The following ZNF473 variants were observed in gnomAD, a reference collection of about 807,000 sequenced individuals.
ZNF473 encodes zinc finger protein 473.
Under a neutral mutation model 11.1 loss-of-function variants are expected in ZNF473, and 4 were observed. That is an observed-to-expected ratio of 0.36 (90% confidence interval 0.18 to 0.82). The LOEUF is 0.82. ZNF473 is among the 40% of genes least tolerant of loss of function. The probability of loss-of-function intolerance (pLI) is 0.49; values close to 1 mark genes in which losing one functional copy is unlikely to be tolerated. For synonymous variants in ZNF473, 404 were observed against 390.4 expected (o/e 1.03, Z -0.41); for missense variants, 854 against 1,084.0 (o/e 0.79, Z 2.98).
chr19:50,030,559 A>G (rs2077312429), intron 1 of ZNF473, among the ~76,000 whole-genome samples: 1 of 152,238 alleles, frequency 6.6e-6, no homozygotes. Context: ...CTCAAATTCC[A>G]GAGATGATAA....
At chr19:50,037,969 C>G (rs1191113854) in intron 2 of ZNF473, among the ~76,000 whole-genome samples, 4 of 150,610 alleles carry the variant, frequency 2.7e-5, no homozygotes, top group African/African-American at 7.3e-5. Context: ...CCCTACCTGT[C>G]CTATACGAAC....
At chr19:50,043,294 G>A (rs901369352) in intron 4 of ZNF473, 3 of 151,678 alleles carry the variant, frequency 2.0e-5, no homozygotes, top group Admixed American at 6.6e-5. Flanking sequence ...AATTAGCTGG[G>A]CGTGGTGGAG....
Position 50,030,943 on chromosome 19 carries a change from G to A in ZNF473, c.-140G>A, listed in dbSNP as rs879032548. ...CTCCTCCTGGACATTTTGGGGGCTC[G>A]TCAGCATGGACAGCGAGTCAGCCAT... On this transcript the variant is annotated 5_prime_UTR_variant, in exon 2 of 5. Coordinates refer to ENST00000270617, the MANE Select transcript of ZNF473 (RefSeq NM_015428.4). 4.5e-5 allele frequency: 58 copies of A among 1,285,848 alleles called. No individual in the cohort carries two copies. In the South Asian group the frequency reaches 7.0e-4, roughly 15 times the overall value. The allele number at this position is 1,285,848 out of a possible 1,614,324, so 79.7% of individuals were successfully genotyped here. A position where few individuals can be genotyped will look rare whatever the true frequency, so the allele number is the denominator to read the frequency against.
chr19:50,030,920 C>A lies in ZNF473; in HGVS notation c.-163C>A. 1.0e-6 allele frequency: 1 copy of A among 978,384 alleles called. No homozygotes were observed. Among genetic ancestry groups the A allele is most frequent in the Non-Finnish European group, 1.6e-6 (1 of 638,296 alleles). 60.6% of individuals were successfully genotyped at this position (978,384 alleles called of 1,614,324 possible). On this transcript the variant is annotated 5_prime_UTR_variant, in exon 2 of 5. Transcript: ENST00000270617. ...GACTCACATTGGGACTTGTCCTCCT[C>A]CTCCTGGACATTTTGGGGGCTCGTC... is the stretch of plus-strand genomic sequence containing the variant.
chr19:50,037,569 C>T (rs1272182475), intron 2 of ZNF473, among the ~76,000 whole-genome samples: 3 of 151,864 alleles, frequency 2.0e-5, no homozygotes, highest in Non-Finnish European at 4.4e-5. Context: ...GCCTGTAATC[C>T]CAACACTTCA....
At chr19:50,028,689 A>G (rs10439113) in intron 1 of ZNF473, among the ~76,000 whole-genome samples, 7,965 of 152,114 alleles carry the variant, frequency 0.052, 689 homozygotes, top group African/African-American at 0.18. Flanking sequence ...AATGTTGCCA[A>G]ATCCTAGGAT....
Position 50,045,757 on chromosome 19 carries a change from G to A in ZNF473, c.1314G>A (p.Lys438=). The change falls in exon 5 of 5, where the codon AAG becomes AAA. Residue 438 remains lysine, a synonymous_variant. Transcript: ENST00000270617. ...EKPYKCSECG[K]AFHRHTHLNE... ...CTTACAAATGCAGTGAGTGTGGGAA[G>A]GCCTTCCACCGGCACACTCACCTTA... The A allele has an allele frequency of 1.2e-6, 2 of 1,614,112 alleles. No individual in the cohort carries two copies. The highest frequency in any genetic ancestry group is 1.7e-6 in the Non-Finnish European group (2 of 1,180,038).
Position 50,029,620 on chromosome 19 carries a change from A to G in ZNF473, c.-191-1272A>G, listed in dbSNP as rs76085207. On this transcript the variant is annotated intron_variant, in intron 1 of 4. Transcript: ENST00000270617. ...GAAATGCTTTCAGCACTCCGCAGAT[A>G]TGTGCTACTTGGTCCACGCAGTGGA... Among the ~76,000 whole-genome samples the G allele has an allele frequency of 0.011, 1,681 of 152,328 alleles. 79 individuals carry two copies. In the East Asian group the frequency reaches 0.11, roughly 10 times the overall value.
At chr19:50,034,227 G>A (rs1359943394) in intron 2 of ZNF473, among the ~76,000 whole-genome samples, 4 of 152,044 alleles carry the variant, frequency 2.6e-5, no homozygotes, top group East Asian at 1.9e-4. Context: ...TGTCAGCACC[G>A]TTATCTGAAT....
At chr19:50,034,084 C>T (rs2077332689) in intron 2 of ZNF473, among the ~76,000 whole-genome samples, 1 of 152,222 alleles carries the variant, frequency 6.6e-6, no homozygotes, top group Admixed American at 6.5e-5. Context: ...AACTCAGACT[C>T]TGTCCTGAAA....
At chr19:50,032,227 G>A (rs563861814) in intron 2 of ZNF473, among the ~76,000 whole-genome samples, 12 of 150,916 alleles carry the variant, frequency 8.0e-5, no homozygotes, top group African/African-American at 2.7e-4. Flanking sequence ...TGTGAGGAAA[G>A]GAAGCCCCTC....
chr19:50,026,550 TAAAAAAA>T (rs71180669), intron 1 of ZNF473, among the ~76,000 whole-genome samples: 1 of 119,336 alleles, frequency 8.4e-6, no homozygotes, highest in Non-Finnish European at 1.8e-5. Flanking sequence ...GACTACATCT[TAAAAAAA>T]AAAAAAAAAA....
At chr19:50,044,646 A>G (rs751746546) in intron 4 of ZNF473, 24 bp from the exon 5 acceptor site, 1 of 1,565,900 alleles carries the variant, frequency 6.4e-7, no homozygotes, top group South Asian at 1.2e-5. Context: ...AGTGAACAGG[A>G]GACATTTGCA....
intron 2 of ZNF473, among the ~76,000 whole-genome samples, chr19:50,038,377 T>G (rs1978586135): frequency 6.6e-6 from 1 of 152,018 alleles, no homozygotes; most frequent in Non-Finnish European, 1.5e-5. Context: ...ACCTGGTACC[T>G]AAAGCGGACC....
chr19:50,044,957 A>G lies in ZNF473; in HGVS notation c.514A>G (p.Asn172Asp), dbSNP rs186597506. 6.2e-7 allele frequency: 1 copy of G among 1,614,164 alleles called. No individual in the cohort carries two copies. The highest frequency in any genetic ancestry group is 1.1e-5 in the South Asian group (1 of 91,088). The change falls in exon 5 of 5, where the codon AAT (asparagine) becomes GAT (aspartate). Residue 172 changes from asparagine (N) to aspartate (D), a missense_variant. Coordinates refer to ENST00000270617, the MANE Select transcript of ZNF473 (RefSeq NM_015428.4). ...CACGGGAGAAGATTCCATGGTGCAT[A>G]ATGTTTCTGAAAAGACCCTCACACC... ...VSTGEDSMVH[N>D]VSEKTLTPAK...
intron 1 of ZNF473, among the ~76,000 whole-genome samples, chr19:50,029,084 A>G (rs891011269): frequency 5.3e-5 from 8 of 152,222 alleles, no homozygotes; most frequent in African/African-American, 1.7e-4. Flanking sequence ...TCTCTAGGGT[A>G]AAGTGTTCAA....
rs1211250443 is a variant in ZNF473 at position 50,048,589 on chromosome 19, T to A, written c.*1530T>A. On this transcript the variant is annotated 3_prime_UTR_variant, in exon 5 of 5. Transcript: ENST00000270617. ...CTGTCTTGTCGGGGAGATGGGCATGTTGTATACCAAAAGAGTGTACAAAGT... is the reference window on the plus strand; with the variant it reads ...CTGTCTTGTCGGGGAGATGGGCATGATGTATACCAAAAGAGTGTACAAAGT... 1 of 152,248 alleles carries A rather than the reference T, an allele frequency of 6.6e-6. No homozygotes were observed. The highest frequency in any genetic ancestry group is 1.5e-5 in the Non-Finnish European group (1 of 68,050). The allele number at this position is 152,248 out of a possible 1,614,324, so 9.4% of individuals were successfully genotyped here.
intron 1 of ZNF473, among the ~76,000 whole-genome samples, chr19:50,026,950 G>A (rs978647169): frequency 6.6e-6 from 1 of 152,144 alleles, no homozygotes; most frequent in African/African-American, 2.4e-5. Flanking sequence ...CTGGACGATG[G>A]ATGGGAGTTC....
chr19:50,027,640 G>A (rs2077293522), intron 1 of ZNF473, among the ~76,000 whole-genome samples: 2 of 152,106 alleles, frequency 1.3e-5, no homozygotes, highest in Non-Finnish European at 2.9e-5. Context: ...CAGGAAAGAA[G>A]AGAACTGGTC....
Sources: allele counts gnomAD v4.1 joint callset (sites outside exome capture counted in the v4.1 genomes callset), GRCh38; gene constraint gnomAD v4.1.1; transcripts MANE v1.5; gene names NCBI Gene and HGNC (gene_info 2026-07-23, HGNC 2026-07-21).